The following KCNG3 variants were observed in gnomAD, a reference collection of about 807,000 sequenced individuals.
KCNG3 encodes the protein voltage-gated potassium channel regulatory subunit KCNG3.
In KCNG3, 15 loss-of-function variants were observed where a neutral mutation model predicts 29.0. The ratio of observed to expected loss-of-function variants is 0.52; its 90% confidence interval spans 0.35 to 0.80. The LOEUF is 0.80. KCNG3 is among the 30% of genes least tolerant of loss of function. The pLI, the probability that KCNG3 is intolerant of heterozygous loss-of-function variation, is 0.01. For missense variants in KCNG3, 512 were observed against 605.7 expected, an observed-to-expected ratio of 0.85 and a Z score of 1.62; for synonymous variants, 322 against 248.9, an observed-to-expected ratio of 1.29 and a Z score of -2.76.
chr2:42,477,422 C>CACAT (rs11280811), intron 1 of KCNG3, among the ~76,000 whole-genome samples: 57 of 40,780 alleles, frequency 1.4e-3, no homozygotes, highest in African/African-American at 3.7e-3. Context: ...CACACACACA[C>CACAT]ATATATTTTT....
intron 1 of KCNG3, among the ~76,000 whole-genome samples, chr2:42,471,884 TCAAAAAA>T (rs1376039960): frequency 1.2e-5 from 1 of 85,394 alleles, no homozygotes; most frequent in Non-Finnish European, 2.1e-5. Flanking sequence ...ACCCTGTATC[TCAAAAAA>T]AAAAAAAAAA....
chr2:42,431,054 C>A, the KCNG3 span, among the ~76,000 whole-genome samples: 1 of 144,328 alleles, frequency 6.9e-6, no homozygotes, highest in East Asian at 2.1e-4. Flanking sequence ...TGCAGTGAGC[C>A]AAGATCATGC....
chr2:42,391,593 C>A, the KCNG3 span, among the ~76,000 whole-genome samples: 3 of 131,500 alleles, frequency 2.3e-5, no homozygotes, highest in African/African-American at 8.7e-5. Flanking sequence ...CATTTTATAT[C>A]TCTTTTTTTT....
the KCNG3 span, among the ~76,000 whole-genome samples, chr2:42,433,271 TCAA>T: frequency 3.9e-5 from 6 of 152,232 alleles, no homozygotes; most frequent in Non-Finnish European, 5.9e-5. Context: ...AATAAAGCAT[TCAA>T]CAAGTATGAT....
At chr2:42,425,296 G>A in the KCNG3 span, among the ~76,000 whole-genome samples, 2 of 151,640 alleles carry the variant, frequency 1.3e-5, no homozygotes, top group Non-Finnish European at 1.5e-5. Context: ...CTATTGGAGA[G>A]GCTGAGGCAC....
chr2:42,487,510 G>C (rs1019059426), intron 1 of KCNG3, among the ~76,000 whole-genome samples: 1 of 151,850 alleles, frequency 6.6e-6, no homozygotes, highest in Non-Finnish European at 1.5e-5. Flanking sequence ...TTAAAAGCAA[G>C]ATGAATGACT....
In KCNG3 at chr2:42,493,060, CCGCCTCGGCCCCGCCGGGGCGCGCCT is replaced by C; in HGVS notation, c.416_441del (p.Glu139GlyfsTer28). 1 of 1,527,330 alleles carries C rather than the reference CCGCCTCGGCCCCGCCGGGGCGCGCCT, an allele frequency of 6.5e-7. No individual in the cohort carries two copies. Among genetic ancestry groups the C allele is most frequent in the Non-Finnish European group, 8.8e-7 (1 of 1,141,894 alleles). The allele number at this position is 1,527,330 out of a possible 1,614,324, so 94.6% of individuals were successfully genotyped here. The stretch of plus-strand genomic sequence containing the variant: ...CGCTCCAGCCAGCGCCTGGAGGGAG[CCGCCTCGGCCCCGCCGGGGCGCGCCT>C]CGTCGCGGCCCAGCACGCCCGGCTC... On this transcript the variant is annotated frameshift_variant, in exon 1 of 2. Transcript: ENST00000306078. LOFTEE classifies it high-confidence loss of function.
intron 1 of KCNG3, among the ~76,000 whole-genome samples, chr2:42,470,640 T>C (rs978025735): frequency 6.7e-6 from 1 of 149,234 alleles, no homozygotes; most frequent in Non-Finnish European, 1.5e-5. Context: ...TTTGGGAGGC[T>C]GAGGCAGGCA....
intron 1 of KCNG3, among the ~76,000 whole-genome samples, chr2:42,475,566 C>A (rs184239533): frequency 0.01 from 1,522 of 151,134 alleles, 24 homozygotes; most frequent in African/African-American, 0.035. Context: ...CTGGCCTCAA[C>A]TGATCTGCCC....
the KCNG3 span, among the ~76,000 whole-genome samples, chr2:42,430,814 A>G: frequency 6.6e-6 from 1 of 152,140 alleles, no homozygotes; most frequent in African/African-American, 2.4e-5. Context: ...GCAAAAATAA[A>G]AGACCGATTT....
At chr2:42,419,540 A>G in the KCNG3 span, among the ~76,000 whole-genome samples, 1 of 151,838 alleles carries the variant, frequency 6.6e-6, no homozygotes, top group Non-Finnish European at 1.5e-5. Flanking sequence ...CCTGTAATCC[A>G]CCACGCCCAG....
chr2:42,410,704 C>T, the KCNG3 span, among the ~76,000 whole-genome samples: 1 of 151,986 alleles, frequency 6.6e-6, no homozygotes, highest in African/African-American at 2.4e-5. Flanking sequence ...TTTTAAAAAA[C>T]ATTTTTTTAA....
chr2:42,431,858 C>T, the KCNG3 span, among the ~76,000 whole-genome samples: 3 of 151,930 alleles, frequency 2.0e-5, no homozygotes, highest in African/African-American at 4.8e-5. Flanking sequence ...GCCAACATGG[C>T]GAAACCCCAT....
chr2:42,457,355 A>G (rs960560349), intron 1 of KCNG3, among the ~76,000 whole-genome samples: 1 of 151,186 alleles, frequency 6.6e-6, no homozygotes, highest in African/African-American at 2.4e-5. Context: ...TTAGCCAAGC[A>G]TGGGGGCACG....
At chr2:42,458,678 A>T (rs1040809403) in intron 1 of KCNG3, among the ~76,000 whole-genome samples, 5 of 152,106 alleles carry the variant, frequency 3.3e-5, no homozygotes, top group African/African-American at 1.2e-4. Flanking sequence ...AGTGCATTGG[A>T]GTGTCTGCAG....
chr2:42,427,012 ATAAC>A, the KCNG3 span, among the ~76,000 whole-genome samples: 1 of 152,248 alleles, frequency 6.6e-6, no homozygotes, highest in Non-Finnish European at 1.5e-5. Context: ...TATTTTACCC[ATAAC>A]TAGAGAACTC....
At chr2:42,440,229 G>C (rs190235888), downstream of KCNG3, 3 of 152,270 alleles carry the variant, frequency 2.0e-5, no homozygotes, top group Non-Finnish European at 2.9e-5. Context: ...GACTATGTCT[G>C]ATTGAATTGT....
At chr2:42,439,653 T>A (rs1487602394), downstream of KCNG3, among the ~76,000 whole-genome samples, 9 of 22,462 alleles carry the variant, frequency 4.0e-4, no homozygotes, top group South Asian at 2.9e-3. Flanking sequence ...TAAAAAAAAA[T>A]TTTTTTTTTT....
chr2:42,471,915 GA>G (rs1319175781), intron 1 of KCNG3, among the ~76,000 whole-genome samples: 1 of 145,608 alleles, frequency 6.9e-6, no homozygotes, highest in African/African-American at 2.5e-5. Flanking sequence ...AAAGAAAAAA[GA>G]AAAAAAGCAA....
Sources: allele counts gnomAD v4.1 joint callset (sites outside exome capture counted in the v4.1 genomes callset), GRCh38; gene constraint gnomAD v4.1.1; transcripts MANE v1.5; gene names NCBI Gene and HGNC (gene_info 2026-07-23, HGNC 2026-07-21).